Variants in HS3ST5 observed in about 807,000 individuals in gnomAD.
HS3ST5 encodes heparan sulfate-glucosamine 3-sulfotransferase 5.
Under a neutral mutation model 25.4 loss-of-function variants are expected in HS3ST5, and 10 were observed. The observed-to-expected ratio is 0.39, with a 90% CI of 0.24 to 0.67. The LOEUF (loss-of-function observed/expected upper bound fraction) is 0.67. HS3ST5 is among the 30% of genes least tolerant of loss of function. The pLI, the probability that HS3ST5 is intolerant of heterozygous loss-of-function variation, is 0.44. For synonymous variants in HS3ST5, 170 were observed against 162.4 expected (o/e 1.05, Z -0.36); for missense variants, 324 against 420.7 (o/e 0.77, Z 2.01).
At chr6:114,316,106 G>T (rs1427020481) in intron 1 of HS3ST5, among the ~76,000 whole-genome samples, 1 of 152,146 alleles carries the variant, frequency 6.6e-6, no homozygotes, top group Non-Finnish European at 1.5e-5. Flanking sequence ...GCGGAAGCAG[G>T]CATGTGACTT....
chr6:114,263,124 C>T (rs771702990), intron 1 of HS3ST5, among the ~76,000 whole-genome samples: 45 of 152,204 alleles, frequency 3.0e-4, no homozygotes, highest in Admixed American at 3.3e-4. Flanking sequence ...CTCTAAGTGA[C>T]TCCCATGTTT....
rs576969849 is a variant in HS3ST5 at position 114,187,736 on chromosome 6, G to C, written c.-144-19274C>G. On this transcript the variant is annotated intron_variant, in intron 2 of 4. Transcript: ENST00000312719. ...AGAAGTTCTACCCTGGTTAAAAGGT[G>C]TATCAAATAGCATCACATGCTACAG... 9.5e-4 allele frequency among the ~76,000 whole-genome samples: 145 copies of C among 152,290 alleles called. 1 individual carries two copies. Among genetic ancestry groups the C allele is most frequent in the African/African-American group, 3.4e-3 (142 of 41,564 alleles).
chr6:114,120,997 T>G (rs1776758808), intron 3 of HS3ST5, among the ~76,000 whole-genome samples: 1 of 152,248 alleles, frequency 6.6e-6, no homozygotes, highest in African/African-American at 2.4e-5. Context: ...CTAAATTGAT[T>G]TTAGCATTCT....
chr6:114,216,728 TAAAAAAAA>T (rs760077446), intron 2 of HS3ST5, among the ~76,000 whole-genome samples: 1 of 90,160 alleles, frequency 1.1e-5, no homozygotes, highest in Admixed American at 1.3e-4. Context: ...TCGTCCTCCT[TAAAAAAAA>T]AAAAAAAAAA....
intron 1 of HS3ST5, 56 bp from the exon 2 acceptor site, chr6:114,228,834 T>A (rs2114523852): frequency 6.6e-6 from 1 of 152,326 alleles, no homozygotes; most frequent in East Asian, 1.9e-4. Flanking sequence ...GAGAATCTGC[T>A]ATGGAGAAAG....
chr6:114,262,703 T>G (rs928509480), intron 1 of HS3ST5, among the ~76,000 whole-genome samples: 22 of 152,144 alleles, frequency 1.4e-4, no homozygotes, highest in Non-Finnish European at 8.8e-5. Context: ...AATGTATTAA[T>G]AAAACAGCAA....
intron 2 of HS3ST5, among the ~76,000 whole-genome samples, chr6:114,179,827 A>C (rs898178368): frequency 2.0e-5 from 3 of 152,132 alleles, no homozygotes; most frequent in Non-Finnish European, 2.9e-5. Flanking sequence ...AAAAGCAGGG[A>C]AACTGACAGT....
intron 3 of HS3ST5, among the ~76,000 whole-genome samples, chr6:114,100,546 C>A (rs1276019026): frequency 6.6e-6 from 1 of 152,168 alleles, no homozygotes; most frequent in African/African-American, 2.4e-5. Flanking sequence ...CCAACTATTT[C>A]TTCCTATTGG....
At chr6:114,140,878 G>A (rs1777870808) in intron 3 of HS3ST5, among the ~76,000 whole-genome samples, 1 of 152,094 alleles carries the variant, frequency 6.6e-6, no homozygotes, top group Admixed American at 6.6e-5. Flanking sequence ...TTTTTAGCAA[G>A]TTATTTTATT....
chr6:114,287,508 A>G (rs886461935), intron 1 of HS3ST5, among the ~76,000 whole-genome samples: 21 of 152,090 alleles, frequency 1.4e-4, no homozygotes, highest in African/African-American at 4.8e-4. Flanking sequence ...TATAATTTAT[A>G]ATGTACATAC....
intron 2 of HS3ST5, among the ~76,000 whole-genome samples, chr6:114,223,682 G>A (rs539925611): frequency 1.4e-4 from 22 of 151,764 alleles, no homozygotes; most frequent in African/African-American, 5.1e-4. Flanking sequence ...CTTATTGGAA[G>A]CTTGCTTGCT....
At chr6:114,134,143 T>A (rs931367618) in intron 3 of HS3ST5, among the ~76,000 whole-genome samples, 2 of 152,140 alleles carry the variant, frequency 1.3e-5, no homozygotes, top group African/African-American at 4.8e-5. Context: ...GGGTAAGGAC[T>A]TGCATAAGCC....
At chr6:114,235,230 C>T (rs938212673) in intron 1 of HS3ST5, among the ~76,000 whole-genome samples, 1 of 152,130 alleles carries the variant, frequency 6.6e-6, no homozygotes, top group African/African-American at 2.4e-5. Context: ...TCCAATACTG[C>T]ATAAAATGGT....
chr6:114,090,055 T>C (rs1470132479), intron 3 of HS3ST5, among the ~76,000 whole-genome samples: 5 of 152,220 alleles, frequency 3.3e-5, no homozygotes, highest in Admixed American at 3.3e-4. Context: ...ATGAACCCTC[T>C]GCCAAAGATA....
At chr6:114,199,344 C>A (rs996988785) in intron 2 of HS3ST5, among the ~76,000 whole-genome samples, 1 of 151,994 alleles carries the variant, frequency 6.6e-6, no homozygotes, top group Non-Finnish European at 1.5e-5. Context: ...GGAATTAGGT[C>A]CCTGTTTGGT....
intron 2 of HS3ST5, among the ~76,000 whole-genome samples, chr6:114,208,962 A>T (rs1781395954): frequency 6.6e-6 from 1 of 152,190 alleles, no homozygotes; most frequent in African/African-American, 2.4e-5. Flanking sequence ...CTGGACAATG[A>T]ATACAATGAA....
At chr6:114,261,998 TAATG>T (rs889863941) in intron 1 of HS3ST5, among the ~76,000 whole-genome samples, 2 of 152,138 alleles carry the variant, frequency 1.3e-5, no homozygotes, top group Non-Finnish European at 2.9e-5. Flanking sequence ...CAGCAGAAAA[TAATG>T]AGTATTGTTT....
chr6:114,201,116 ACTTGGATGT>A (rs1780991829), intron 2 of HS3ST5, among the ~76,000 whole-genome samples: 1 of 152,120 alleles, frequency 6.6e-6, no homozygotes, highest in South Asian at 2.1e-4. Context: ...TGACATTTCT[ACTTGGATGT>A]CTAATAAAAA....
intron 3 of HS3ST5, among the ~76,000 whole-genome samples, chr6:114,094,339 C>A (rs1423251332): frequency 6.6e-6 from 1 of 152,192 alleles, no homozygotes; most frequent in Non-Finnish European, 1.5e-5. Flanking sequence ...GATAGGAAAG[C>A]AACCAGCAAC....
Sources: gnomAD v4.1 joint callset for allele counts (sites outside exome capture counted in the v4.1 genomes callset) on GRCh38, gnomAD v4.1.1 for gene constraint, MANE v1.5 for transcripts, NCBI Gene and HGNC (gene_info 2026-07-23, HGNC 2026-07-21) for gene names.